Variants in LRRC23 observed in about 807,000 individuals in gnomAD.
LRRC23 encodes the protein leucine rich repeat containing 23, also known as leucine-rich repeat-containing protein 23.
LRRC23 carries 28 observed loss-of-function variants against 37.7 expected under a neutral mutation model. That is an observed-to-expected ratio of 0.74 (90% CI 0.55 to 1.02). The LOEUF (loss-of-function observed/expected upper bound fraction) is 1.02. Among genes scored for constraint, LRRC23 ranks in the 50% least tolerant of loss-of-function variants. The probability of loss-of-function intolerance (pLI) is 0.00; values close to 1 mark genes in which losing one functional copy is unlikely to be tolerated. For synonymous variants in LRRC23, 161 were observed against 165.4 expected (o/e 0.97, Z 0.20); for missense variants, 377 against 413.2 (o/e 0.91, Z 0.76).
chr12:6,912,909 C>G lies in LRRC23; in HGVS notation c.938C>G (p.Ala313Gly). The change falls in exon 7 of 8, where the codon GCT becomes GGT. Residue 313 changes from alanine (A) to glycine (G), a missense_variant. Ala to Gly is a moderately conservative substitution (Grantham distance 60, BLOSUM62 0). Coordinates refer to ENST00000443597, the MANE Select transcript of LRRC23 (RefSeq NM_001135217.2). ...GAATTCTATGAGGAGGAGGAACGGG[C>G]TGAGGCTGATGTGATTCGACAGAGG... Reference protein sequence around the residue: ...DKEFYEEEERAEADVIRQRLK... With the variant: ...DKEFYEEEERGEADVIRQRLK... 6.2e-7 allele frequency: 1 copy of G among 1,614,106 alleles called. No individual in the cohort carries two copies. The highest frequency in any genetic ancestry group is 8.5e-7 in the Non-Finnish European group (1 of 1,180,030).
intron 5 of LRRC23, among the ~76,000 whole-genome samples, chr12:6,908,455 A>T (rs1045321844): frequency 2.2e-4 from 33 of 151,734 alleles, no homozygotes; most frequent in African/African-American, 7.7e-4. Flanking sequence ...AAATTAGCCC[A>T]GTGTGCTGAC....
In LRRC23 at chr12:6,909,818, T is replaced by C. The variant is rs890860721; in HGVS notation, c.622-72T>C. 6 of 1,448,136 alleles carry C rather than the reference T, an allele frequency of 4.1e-6. No individual in the cohort carries two copies. The African/African-American group carries it at 5.7e-5, about 14-fold the overall frequency. 89.7% of individuals were successfully genotyped at this position (1,448,136 alleles called of 1,614,324 possible). ...CTCTTGGATTTCCTCTTTTGCTTTA[T>C]CTCATTCTGACTTCTCTTTCTTCCC... On this transcript the variant is annotated intron_variant, in intron 5 of 7. Transcript: ENST00000443597.
chr12:6,912,350 C>A (rs1945179603), intron 6 of LRRC23, among the ~76,000 whole-genome samples: 2 of 152,132 alleles, frequency 1.3e-5, no homozygotes, highest in Non-Finnish European at 1.5e-5. Context: ...TGGGGTCTCG[C>A]TATGTTGCCC....
At chr12:6,907,837 A>G in intron 5 of LRRC23, 1 of 382,936 alleles carries the variant, frequency 2.6e-6, no homozygotes, top group South Asian at 2.5e-5. Flanking sequence ...CTCCCCATAC[A>G]CCAAGTAGTA....
intron 6 of LRRC23, among the ~76,000 whole-genome samples, chr12:6,910,355 A>G (rs1175339964): frequency 3.3e-5 from 5 of 152,240 alleles, no homozygotes; most frequent in Admixed American, 3.3e-4. Context: ...AGGAAGGATC[A>G]CTTGAGGCCA....
chr12:6,906,142 A>G (rs1944939827), intron 3 of LRRC23, among the ~76,000 whole-genome samples, 188 bp downstream of exon 3: 2 of 152,050 alleles, frequency 1.3e-5, no homozygotes, highest in Admixed American at 1.3e-4. Context: ...GGAATTGGAG[A>G]TTGAGAGTAT....
In LRRC23 at chr12:6,905,958, C is replaced by A; in HGVS notation, c.236+4C>A. The A allele has an allele frequency of 2.5e-6, 4 of 1,612,050 alleles. No homozygotes were observed. The highest frequency in any genetic ancestry group is 3.4e-6 in the Non-Finnish European group (4 of 1,178,526). On this transcript the variant is annotated splice_donor_region_variant and intron_variant, in intron 3 of 7. Transcript: ENST00000443597. Reference sequence around the variant, plus strand: ...TCAAGCTGGAGGTTAAAGAGAGGTGCGTTTTGGGGGGACCAGATGAGGACT... The same window carrying A: ...TCAAGCTGGAGGTTAAAGAGAGGTGAGTTTTGGGGGGACCAGATGAGGACT...
chr12:6,910,185 A>G (rs1325633791), intron 6 of LRRC23, among the ~76,000 whole-genome samples, 159 bp downstream of exon 6: 1 of 152,144 alleles, frequency 6.6e-6, no homozygotes, highest in Non-Finnish European at 1.5e-5. Flanking sequence ...GAGTTGCAAC[A>G]CTAAATCCCT....
intron 6 of LRRC23, among the ~76,000 whole-genome samples, chr12:6,912,071 G>T (rs1168613170): frequency 6.6e-6 from 1 of 152,142 alleles, no homozygotes; most frequent in Admixed American, 6.5e-5. Context: ...TTATTCTTCA[G>T]GTTGGGAGGC....
intron 3 of LRRC23, among the ~76,000 whole-genome samples, 181 bp from the exon 4 acceptor site, chr12:6,906,228 C>A (rs1944942033): frequency 6.6e-6 from 1 of 152,086 alleles, no homozygotes; most frequent in African/African-American, 2.4e-5. Flanking sequence ...ACACAGGTCT[C>A]TCTGCCCACT....
In LRRC23 at chr12:6,905,670, G is replaced by T. The variant is rs1262172995; in HGVS notation, c.37G>T (p.Asp13Tyr). Reference sequence around the variant, plus strand: ...AGATGATCTAGAAGACTCTGAGCCAGACCAGGATGATTCTGAGAAAGAAGA... The same window carrying T: ...AGATGATCTAGAAGACTCTGAGCCATACCAGGATGATTCTGAGAAAGAAGA... ...DEDDLEDSEP[D>Y]QDDSEKEEDE... The change falls in exon 2 of 8, where the codon GAC (aspartate) becomes TAC (tyrosine). Residue 13 changes from aspartate to tyrosine, a missense_variant. Around this residue, in one of 3 missense-constraint regions of LRRC23, gnomAD observed 106 missense variants for 105.9 expected, o/e 1.00. Transcript: ENST00000443597. The T allele has an allele frequency of 3.1e-6, 5 of 1,613,744 alleles. No homozygotes were observed. The East Asian group carries it at 8.9e-5, about 29-fold the overall frequency.
intron 5 of LRRC23, 92 bp from the exon 6 acceptor site, chr12:6,909,798 G>T: frequency 8.0e-7 from 1 of 1,249,018 alleles, no homozygotes; most frequent in Non-Finnish European, 1.1e-6. Context: ...TCTACCTCTT[G>T]GATTTCCTCT....
In LRRC23 at chr12:6,906,617, AC is replaced by A; in HGVS notation, c.446del (p.Thr149MetfsTer12). ...TTTTGCTTATAACCAGATTACTGAC[AC>A]TGAAGGCATCTCTCATCCTCGTCTT... Reference protein sequence around the residue: ...ASFAYNQITDTEGISHPRLET... With the variant: ...ASFAYNQITDXEGISHPRLET... On this transcript the variant is annotated frameshift_variant, in exon 4 of 8. Coordinates refer to ENST00000443597, the MANE Select transcript of LRRC23 (RefSeq NM_001135217.2). LOFTEE classifies it high-confidence loss of function. The A allele has an allele frequency of 6.2e-7, 1 of 1,614,120 alleles. No individual in the cohort carries two copies. Among genetic ancestry groups the A allele is most frequent in the African/African-American group, 1.3e-5 (1 of 75,022 alleles).
Position 6,909,946 on chromosome 12 carries a change from C to T in LRRC23, c.678C>T (p.Thr226=), listed in dbSNP as rs1555140492. 2.5e-6 allele frequency: 4 copies of T among 1,613,786 alleles called. No individual in the cohort carries two copies. In the African/African-American group the frequency reaches 4.0e-5, roughly 16 times the overall value. ...TGGAGGATCTGAGCAATCTCACCAC[C>T]TTGCATCTTCGAGACAACCAGATTG... is the stretch of plus-strand genomic sequence containing the variant. ...EGLEDLSNLT[T]LHLRDNQIDT... Residue 226 remains threonine (T), a synonymous_variant, in exon 6 of 8, where the codon ACC becomes ACT. Transcript: ENST00000443597.
chr12:6,911,559 C>T (rs1039058305), intron 6 of LRRC23, among the ~76,000 whole-genome samples: 2 of 151,878 alleles, frequency 1.3e-5, no homozygotes, highest in African/African-American at 4.8e-5. Flanking sequence ...GCCTCTGGGG[C>T]CAGAGATGCT....
chr12:6,912,348 C>T (rs913197281), intron 6 of LRRC23, among the ~76,000 whole-genome samples: 2 of 152,094 alleles, frequency 1.3e-5, no homozygotes, highest in East Asian at 1.9e-4. Flanking sequence ...GATGGGGTCT[C>T]GCTATGTTGC....
In LRRC23 at chr12:6,905,746, A is replaced by T; in HGVS notation, c.113A>T (p.Glu38Val). 1 of 1,611,126 alleles carries T rather than the reference A, an allele frequency of 6.2e-7. No individual in the cohort carries two copies. The highest frequency in any genetic ancestry group is 8.5e-7 in the Non-Finnish European group (1 of 1,178,982). Reference sequence around the variant, plus strand: ...GAGGACTACAGAAAAGAGGGGGAAGAGTTCCCTGAGGAAGTGAGAGCCTGG... The same window carrying T: ...GAGGACTACAGAAAAGAGGGGGAAGTGTTCCCTGAGGAAGTGAGAGCCTGG... ...EGEDYRKEGE[E>V]FPEEWLPTPL... The change falls in exon 2 of 8, where the codon GAG becomes GTG. Residue 38 changes from glutamate (E) to valine (V), a missense_variant. Physicochemically the swap from Glu to Val is moderately radical, Grantham distance 121. Coordinates refer to ENST00000443597, the MANE Select transcript of LRRC23 (RefSeq NM_001135217.2).
chr12:6,905,738 G>C lies in LRRC23; in HGVS notation c.105G>C (p.Glu35Asp). 1 of 1,613,706 alleles carries C rather than the reference G, an allele frequency of 6.2e-7. No individual in the cohort carries two copies. The highest frequency in any genetic ancestry group is 8.5e-7 in the Non-Finnish European group (1 of 1,179,802). The change falls in exon 2 of 8, where the codon GAG (glutamate) becomes GAC (aspartate). Residue 35 changes from glutamate to aspartate, a missense_variant. Physicochemically the swap from Glu to Asp is conservative, Grantham distance 45. Around this residue, in one of 3 missense-constraint regions of LRRC23, gnomAD observed 106 missense variants for 105.9 expected, o/e 1.00. Transcript: ENST00000443597. ...AGGAGGGGGAGGACTACAGAAAAGA[G>C]GGGGAAGAGTTCCCTGAGGAAGTGA... is the stretch of plus-strand genomic sequence containing the variant. Reference protein sequence around the residue: ...ETEEGEDYRKEGEEFPEEWLP... With the variant: ...ETEEGEDYRKDGEEFPEEWLP...
chr12:6,910,123 C>G (rs781926865), intron 6 of LRRC23, 97 bp downstream of exon 6: 16 of 1,209,800 alleles, frequency 1.3e-5, no homozygotes, highest in Non-Finnish European at 1.8e-5. Context: ...CAGTCCTAGC[C>G]CACAGCTGGA....
Sources: allele counts gnomAD v4.1 joint callset (sites outside exome capture counted in the v4.1 genomes callset), GRCh38; gene constraint gnomAD v4.1.1; regional missense constraint gnomAD v4.1.1; transcripts MANE v1.5; gene names NCBI Gene and HGNC (gene_info 2026-07-23, HGNC 2026-07-21).